Variants in SOX5 observed in about 807,000 individuals in gnomAD.
SOX5 encodes the protein SRY-box transcription factor 5, also known as transcription factor SOX-5.
Under a neutral mutation model 92.0 loss-of-function variants are expected in SOX5, and 9 were observed. That is an observed-to-expected ratio of 0.10 (90% CI 0.06 to 0.17). SOX5 has a LOEUF of 0.17. SOX5 is among the 10% of genes least tolerant of loss of function. The pLI is 1.00. For synonymous variants in SOX5, 344 were observed against 336.3 expected (o/e 1.02, Z -0.25); for missense variants, 642 against 944.5 (o/e 0.68, Z 4.20).
chr12:24,129,269 C>T lies in SOX5; in HGVS notation c.-2+84074G>A, dbSNP rs202053123. Among the ~76,000 whole-genome samples, 4 of 152,258 alleles carry T rather than the reference C, an allele frequency of 2.6e-5. No homozygotes were observed. In the South Asian group the frequency reaches 6.2e-4, roughly 24 times the overall value. On this transcript the variant is annotated intron_variant, in intron 4 of 4. Transcript: ENST00000446891. Reference sequence around the variant, plus strand: ...GCAACATATTAACAGCTTTAGTCTACGTCTGTTAAAAACAAGTTCAGTACA... The same window carrying T: ...GCAACATATTAACAGCTTTAGTCTATGTCTGTTAAAAACAAGTTCAGTACA...
intron 2 of SOX5, among the ~76,000 whole-genome samples, chr12:24,309,920 G>A (rs184694180): frequency 6.6e-6 from 1 of 152,144 alleles, no homozygotes; most frequent in Admixed American, 6.5e-5. Context: ...AAGATCTTTT[G>A]ATATGCTTGC....
At chr12:24,524,045 AAAGTAATACTT>A (rs1200615007) in intron 1 of SOX5, among the ~76,000 whole-genome samples, 1 of 152,244 alleles carries the variant, frequency 6.6e-6, no homozygotes, top group Non-Finnish European at 1.5e-5. Flanking sequence ...AGGAACTGGT[AAAGTAATACTT>A]AACGGTTTGC....
chr12:24,062,754 C>T (rs1298836598), intron 4 of SOX5, among the ~76,000 whole-genome samples: 1 of 152,202 alleles, frequency 6.6e-6, no homozygotes, highest in Non-Finnish European at 1.5e-5. Context: ...CAGAGAAGTT[C>T]TCAGGCTTAG....
At chr12:24,335,391 A>G (rs1247116596) in intron 2 of SOX5, among the ~76,000 whole-genome samples, 2 of 152,234 alleles carry the variant, frequency 1.3e-5, no homozygotes, top group African/African-American at 2.4e-5. Context: ...TTTTAACAAT[A>G]GCCTTTATTG....
chr12:23,836,372 G>A (rs1391294593), intron 3 of SOX5, among the ~76,000 whole-genome samples: 3 of 151,896 alleles, frequency 2.0e-5, no homozygotes, highest in Non-Finnish European at 4.4e-5. Context: ...AGAGCTTTTT[G>A]TGTAATGACA....
At chr12:24,102,398 G>A (rs1946196167) in intron 4 of SOX5, among the ~76,000 whole-genome samples, 1 of 152,166 alleles carries the variant, frequency 6.6e-6, no homozygotes, top group Admixed American at 6.6e-5. Context: ...TCAGCCGACA[G>A]CAGCATGAGT....
chr12:24,110,561 C>T (rs1947200112), intron 4 of SOX5, among the ~76,000 whole-genome samples: 1 of 152,026 alleles, frequency 6.6e-6, no homozygotes, highest in Non-Finnish European at 1.5e-5. Flanking sequence ...AGAAGTGCCT[C>T]ATTGATGAAC....
At chr12:24,262,856 A>G (rs1282414867) in intron 3 of SOX5, among the ~76,000 whole-genome samples, 1 of 152,226 alleles carries the variant, frequency 6.6e-6, no homozygotes, top group Non-Finnish European at 1.5e-5. Flanking sequence ...GGTAGTAGGC[A>G]TATCTGAAAT....
intron 2 of SOX5, among the ~76,000 whole-genome samples, chr12:23,862,371 C>G (rs1489609363): frequency 6.6e-6 from 1 of 152,118 alleles, no homozygotes; most frequent in East Asian, 1.9e-4. Flanking sequence ...AAAATAGGAG[C>G]AGGTTCAGAT....
chr12:23,714,771 A>C (rs949753483), intron 6 of SOX5, among the ~76,000 whole-genome samples: 1 of 152,242 alleles, frequency 6.6e-6, no homozygotes, highest in Non-Finnish European at 1.5e-5. Context: ...CTATAGATGA[A>C]AACAAATACT....
At chr12:23,717,334 T>A (rs751292377) in intron 6 of SOX5, among the ~76,000 whole-genome samples, 21 of 152,186 alleles carry the variant, frequency 1.4e-4, no homozygotes, top group Non-Finnish European at 2.9e-4. Flanking sequence ...TGCAATGAAT[T>A]GTGACTTTAT....
chr12:23,853,455 T>G (rs1331494708), intron 2 of SOX5, among the ~76,000 whole-genome samples: 1 of 151,692 alleles, frequency 6.6e-6, no homozygotes, highest in Non-Finnish European at 1.5e-5. Context: ...TTTCTGATTA[T>G]CAATAAGAGA....
At chr12:24,181,323 C>A (rs1955476011) in intron 4 of SOX5, among the ~76,000 whole-genome samples, 1 of 152,330 alleles carries the variant, frequency 6.6e-6, no homozygotes, top group East Asian at 1.9e-4. Context: ...GTTTGATCAT[C>A]TTGCCCTGTT....
At chr12:23,921,269 A>G (rs1938177175) in intron 1 of SOX5, among the ~76,000 whole-genome samples, 1 of 152,152 alleles carries the variant, frequency 6.6e-6, no homozygotes. Flanking sequence ...ATTTCCGTTC[A>G]TAAGTAGAAT....
At chr12:23,807,542 G>A (rs767908536) in intron 3 of SOX5, among the ~76,000 whole-genome samples, 3 of 152,130 alleles carry the variant, frequency 2.0e-5, no homozygotes, top group Non-Finnish European at 2.9e-5. Flanking sequence ...CTATGAAGAG[G>A]TAGGAAGGAT....
chr12:23,845,872 C>CAATAGGAA, intron 3 of SOX5, 111 bp downstream of exon 3: 1 of 860,240 alleles, frequency 1.2e-6, no homozygotes, highest in Non-Finnish European at 1.9e-6. Flanking sequence ...AGGTTTCCAT[C>CAATAGGAA]TTGCCCAATT....
intron 2 of SOX5, among the ~76,000 whole-genome samples, chr12:23,871,322 TTATC>T (rs1156644649): frequency 6.6e-6 from 1 of 152,178 alleles, no homozygotes; most frequent in Non-Finnish European, 1.5e-5. Flanking sequence ...AAAAATAACT[TTATC>T]TTTGTTTTGG....
intron 1 of SOX5, among the ~76,000 whole-genome samples, chr12:24,417,876 T>G (rs561556598): frequency 6.6e-6 from 1 of 152,202 alleles, no homozygotes; most frequent in Non-Finnish European, 1.5e-5. Flanking sequence ...AAATGTTCAA[T>G]GCAAATGACA....
intron 3 of SOX5, among the ~76,000 whole-genome samples, chr12:24,272,147 C>T (rs1260510913): frequency 2.0e-5 from 3 of 152,026 alleles, no homozygotes; most frequent in African/African-American, 7.2e-5. Flanking sequence ...TTCATATCAG[C>T]CTTAGAAAAT....
Sources: gnomAD v4.1 joint callset for allele counts (sites outside exome capture counted in the v4.1 genomes callset) on GRCh38, gnomAD v4.1.1 for gene constraint, MANE v1.5 for transcripts, NCBI Gene and HGNC (gene_info 2026-07-23, HGNC 2026-07-21) for gene names.